The following MICU1 variants were observed in gnomAD, a reference collection of about 807,000 sequenced individuals.
The protein encoded by MICU1 is mitochondrial calcium uptake 1.
A neutral mutation model predicts 56.8 loss-of-function variants in MICU1; 45 were observed. The observed-to-expected ratio is 0.79, with a 90% confidence interval of 0.62 to 1.02. The LOEUF (loss-of-function observed/expected upper bound fraction) is 1.02. Ranked by LOEUF, MICU1 falls within the 50% of genes least tolerant of loss-of-function variation. The pLI, the probability that MICU1 is intolerant of heterozygous loss-of-function variation, is 0.00. For missense variants in MICU1, 504 were observed against 587.1 expected (o/e 0.86, Z 1.46); for synonymous variants, 186 against 195.1 (o/e 0.95, Z 0.39).
At chr10:72,387,794 T>TA (rs1030274961) in intron 10 of MICU1, among the ~76,000 whole-genome samples, 172 of 143,196 alleles carry the variant, frequency 1.2e-3, no homozygotes, top group Middle Eastern at 7.2e-3. Flanking sequence ...AAGGATGATT[T>TA]AAAAAAAAAA....
chr10:72,519,124 G>T (rs1161809023), intron 5 of MICU1, among the ~76,000 whole-genome samples: 8 of 152,212 alleles, frequency 5.3e-5, no homozygotes, highest in Non-Finnish European at 1.0e-4. Context: ...CAGAATGCAG[G>T]TCAAATGACA....
chr10:72,617,838 A>G (rs184856736), intron 1 of MICU1, among the ~76,000 whole-genome samples: 360 of 152,206 alleles, frequency 2.4e-3, no homozygotes, highest in Non-Finnish European at 3.8e-3. Flanking sequence ...ACTCAAAACA[A>G]CAACAAAAAA....
intron 1 of MICU1, among the ~76,000 whole-genome samples, chr10:72,606,124 C>T (rs191036315): frequency 8.6e-6 from 1 of 116,606 alleles, no homozygotes; most frequent in Non-Finnish European, 2.0e-5. Flanking sequence ...GAGTGAGACT[C>T]CATCTCAAAA....
intron 6 of MICU1, among the ~76,000 whole-genome samples, chr10:72,485,430 G>A (rs757851397): frequency 1.3e-5 from 2 of 151,434 alleles, no homozygotes; most frequent in Non-Finnish European, 2.9e-5. Context: ...TTTATGACAT[G>A]CTTATTATAA....
At chr10:72,432,851 ATCAC>A (rs1469645311) in intron 8 of MICU1, among the ~76,000 whole-genome samples, 10 of 152,284 alleles carry the variant, frequency 6.6e-5, no homozygotes, top group Admixed American at 6.5e-4. Flanking sequence ...TCCAAACCAC[ATCAC>A]TCAGTTTGCC....
chr10:72,492,887 C>A (rs540985799), intron 6 of MICU1, among the ~76,000 whole-genome samples: 4 of 152,012 alleles, frequency 2.6e-5, no homozygotes, highest in South Asian at 4.1e-4. Flanking sequence ...GAGGCCGAGG[C>A]GAGTGGATCA....
chr10:72,385,454 C>T (rs1439016258), intron 10 of MICU1, among the ~76,000 whole-genome samples: 1 of 152,110 alleles, frequency 6.6e-6, no homozygotes, highest in Non-Finnish European at 1.5e-5. Context: ...CATGCCACTG[C>T]ACTCTAGCCT....
chr10:72,450,184 G>A (rs1865251271), intron 8 of MICU1, among the ~76,000 whole-genome samples: 1 of 151,944 alleles, frequency 6.6e-6, no homozygotes, highest in African/African-American at 2.4e-5. Context: ...GAGTCCTTTG[G>A]AAATGTGTAA....
At position 72,420,848 on chromosome 10, in the gene MICU1, G is replaced by T. The variant is rs140697078; in HGVS notation, c.1071+2386C>A. On this transcript the variant is annotated intron_variant, in intron 9 of 11. Transcript: ENST00000361114. Reference sequence around the variant, plus strand: ...GTGCCACCATGCCTGGCTAGTTTTTGTATTTTTTGTGGAGACAAGGTTTCG... The same window carrying T: ...GTGCCACCATGCCTGGCTAGTTTTTTTATTTTTTGTGGAGACAAGGTTTCG... Among the ~76,000 whole-genome samples the T allele has an allele frequency of 3.4e-3, 504 of 150,168 alleles. 3 individuals carry two copies. Among genetic ancestry groups the T allele is most frequent in the African/African-American group, 0.012 (477 of 40,832 alleles).
intron 10 of MICU1, among the ~76,000 whole-genome samples, chr10:72,397,561 G>A (rs1458631351): frequency 1.3e-5 from 2 of 152,030 alleles, no homozygotes; most frequent in Non-Finnish European, 2.9e-5. Flanking sequence ...AGACACACAT[G>A]GGCTCAAAAT....
intron 8 of MICU1, among the ~76,000 whole-genome samples, chr10:72,472,416 G>A (rs1262417842): frequency 6.6e-6 from 1 of 152,122 alleles, no homozygotes; most frequent in Non-Finnish European, 1.5e-5. Flanking sequence ...ACATTCCTCT[G>A]TATGCGATGA....
At chr10:72,622,202 C>A (rs1012150306) in intron 1 of MICU1, among the ~76,000 whole-genome samples, 1 of 149,630 alleles carries the variant, frequency 6.7e-6, no homozygotes, top group African/African-American at 2.5e-5. Flanking sequence ...GGATTACAAG[C>A]GTGAGCCACC....
chr10:72,532,770 A>T, intron 5 of MICU1: 1 of 751,998 alleles, frequency 1.3e-6, no homozygotes, highest in Non-Finnish European at 1.6e-6. Context: ...GTGCCACCTT[A>T]ATAGGAAAGG....
At chr10:72,460,419 A>T (rs1865606776) in intron 8 of MICU1, among the ~76,000 whole-genome samples, 1 of 152,176 alleles carries the variant, frequency 6.6e-6, no homozygotes, top group Admixed American at 6.5e-5. Context: ...TAGCTTTAAT[A>T]AAAAAACACA....
At chr10:72,441,222 A>T (rs1379999363) in intron 8 of MICU1, among the ~76,000 whole-genome samples, 2 of 152,172 alleles carry the variant, frequency 1.3e-5, no homozygotes, top group African/African-American at 4.8e-5. Flanking sequence ...ATGCAGCCAC[A>T]AAAAGGATGA....
At chr10:72,606,855 T>C (rs1841704385) in intron 1 of MICU1, among the ~76,000 whole-genome samples, 1 of 152,092 alleles carries the variant, frequency 6.6e-6, no homozygotes, top group South Asian at 2.1e-4. Flanking sequence ...ATTGAGCACA[T>C]TATCCTTGCC....
chr10:72,527,470 C>T (rs898746677), intron 5 of MICU1, among the ~76,000 whole-genome samples: 3 of 151,928 alleles, frequency 2.0e-5, no homozygotes, highest in Non-Finnish European at 2.9e-5. Flanking sequence ...TCAAGCAGTC[C>T]CCCGACCTTA....
rs377298599 is a variant in MICU1, at chr10:72,449,709, GTAC to G, written c.933+25388_933+25390del. On this transcript the variant is annotated intron_variant, in intron 8 of 11. Transcript: ENST00000361114. ...ATAAACGATACTTCTCAATTTTGTG[GTAC>G]TTTTTCATTTTTAAAATAGCTAATG... Among the ~76,000 whole-genome samples, 427 of 151,948 alleles carry G rather than the reference GTAC, an allele frequency of 2.8e-3. 3 individuals carry two copies. The highest frequency in any genetic ancestry group is 9.8e-3 in the African/African-American group (404 of 41,420).
At chr10:72,558,354 T>C (rs941645842) in intron 3 of MICU1, among the ~76,000 whole-genome samples, 1 of 152,074 alleles carries the variant, frequency 6.6e-6, no homozygotes, top group African/African-American at 2.4e-5. Flanking sequence ...AGAAACATAC[T>C]GTGGTAGGAA....
Sources: allele counts gnomAD v4.1 joint callset (sites outside exome capture counted in the v4.1 genomes callset), GRCh38; gene constraint gnomAD v4.1.1; transcripts MANE v1.5; gene names NCBI Gene and HGNC (gene_info 2026-07-23, HGNC 2026-07-21).